GATA2: variants seen among roughly 807,000 people sequenced by gnomAD.
GATA2 encodes the protein endothelial transcription factor GATA-2.
A neutral mutation model predicts 35.7 loss-of-function variants in GATA2; 6 were observed. The observed-to-expected ratio is 0.17, with a 90% CI of 0.09 to 0.33. The LOEUF (loss-of-function observed/expected upper bound fraction) is 0.33, where lower values mean the gene tolerates loss of function less well. Ranked by LOEUF, GATA2 falls within the 10% of genes least tolerant of loss-of-function variation. The pLI is 1.00. For missense variants in GATA2, 541 were observed against 656.6 expected, an observed-to-expected ratio of 0.82 and a Z score of 1.92; for synonymous variants, 313 against 274.9, an observed-to-expected ratio of 1.14 and a Z score of -1.37.
chr3:128,481,371 C>T, intron 5 of GATA2, 53 bp from the exon 6 acceptor site: 1 of 1,575,358 alleles, frequency 6.3e-7, no homozygotes, highest in Non-Finnish European at 8.6e-7. Context: ...CAGCAACATT[C>T]CTCCCACCCC....
chr3:128,486,414 G>T, intron 2 of GATA2, 46 bp from the exon 3 acceptor site: 1 of 1,576,478 alleles, frequency 6.3e-7, no homozygotes, highest in African/African-American at 1.3e-5. Context: ...AAAGATCAGG[G>T]TAGGCAGAGC....
chr3:128,484,219 C>A (rs924648570), intron 3 of GATA2, among the ~76,000 whole-genome samples: 6 of 152,274 alleles, frequency 3.9e-5, no homozygotes, highest in African/African-American at 1.4e-4. Context: ...AAGCCAAATC[C>A]CCTGCTTCCA....
chr3:128,481,133 G>C lies in GATA2; in HGVS notation c.1329C>G (p.Leu443=), dbSNP rs769577309. 1.9e-6 allele frequency: 3 copies of C among 1,614,250 alleles called. No homozygotes were observed. The highest frequency in any genetic ancestry group is 1.7e-6 in the Non-Finnish European group (2 of 1,180,044). The change falls in exon 6 of 6, where the codon CTC becomes CTG. Residue 443 remains leucine, a synonymous_variant. Coordinates refer to ENST00000341105, the MANE Select transcript of GATA2 (RefSeq NM_032638.5). ...TGTGTCCGGAGTGGCTGAAGGGCGG[G>C]AGGTGGCCCACAGGTGCCATGTGTC... ...LAGHMAPVGH[L]PPFSHSGHIL...
chr3:128,487,113 G>C (rs2068713952), intron 1 of GATA2, 37 bp from the exon 2 acceptor site: 3 of 1,194,292 alleles, frequency 2.5e-6, no homozygotes, highest in Non-Finnish European at 3.5e-6. Flanking sequence ...TGCCGCCAGC[G>C]CCTGACACCC....
rs932463543 is a variant in GATA2, at chr3:128,480,190, T to G, written c.*829A>C. ...TAATATTTTTTCTTTTGTCTCAGAG[T>G]AGGAGGCGAGGGGGTTGAAGGGTTA... On this transcript the variant is annotated 3_prime_UTR_variant, in exon 6 of 6. Coordinates refer to ENST00000341105, the MANE Select transcript of GATA2 (RefSeq NM_032638.5). 1 of 233,042 alleles carries G rather than the reference T, an allele frequency of 4.3e-6. No homozygotes were observed. Among genetic ancestry groups the G allele is most frequent in the African/African-American group, 2.2e-5 (1 of 45,338 alleles). 14.4% of individuals were successfully genotyped at this position (233,042 alleles called of 1,614,324 possible). A position where few individuals can be genotyped will look rare whatever the true frequency, so the allele number is the denominator to read the frequency against.
At position 128,486,804 on chromosome 3, in the gene GATA2, G is replaced by A. The variant is rs770940723; in HGVS notation, c.228C>T (p.His76=). 1.9e-6 allele frequency: 3 copies of A among 1,600,848 alleles called. No individual in the cohort carries two copies. The change falls in exon 2 of 6, where the codon CAC becomes CAT. Residue 76 remains histidine, a splice_region_variant and synonymous_variant. Coordinates refer to ENST00000341105, the MANE Select transcript of GATA2 (RefSeq NM_032638.5). ...ARARVSYSPA[H]ARLTGGQMCR... The stretch of plus-strand genomic sequence containing the variant: ...CATCACCACGGGCCCAGTGCTCACC[G>A]TGCGCGGGGCTGTAGGAGACGCGCG...
intron 2 of GATA2, 122 bp from the exon 3 acceptor site, chr3:128,486,490 G>T: frequency 8.0e-7 from 1 of 1,244,108 alleles, no homozygotes; most frequent in Non-Finnish European, 1.1e-6. Flanking sequence ...CCTCCCCAAA[G>T]AAAGCCAGAA....
In GATA2 at chr3:128,486,442, G is replaced by A. The variant is rs2068701401; in HGVS notation, c.230-74C>T. On this transcript the variant is annotated intron_variant, in intron 2 of 5. Coordinates refer to ENST00000341105, the MANE Select transcript of GATA2 (RefSeq NM_032638.5). ...GGCAGAGCTAGGGACGCCCCTGACA[G>A]ACATTGAGATCACGACTCCCAGAAC... The A allele has an allele frequency of 3.3e-6, 5 of 1,533,160 alleles. No individual in the cohort carries two copies. In the South Asian group the frequency reaches 5.9e-5, roughly 18 times the overall value. The allele number at this position is 1,533,160 out of a possible 1,614,324, so 95.0% of individuals were successfully genotyped here.
intron 4 of GATA2, 39 bp from the exon 5 acceptor site, chr3:128,481,983 C>A (rs747211537): frequency 1.9e-6 from 3 of 1,608,580 alleles, no homozygotes; most frequent in Non-Finnish European, 8.5e-7. Flanking sequence ...TGGACTCCCA[C>A]GCCCACCTCG....
At chr3:128,481,399 A>G in intron 5 of GATA2, 81 bp from the exon 6 acceptor site, 1 of 1,501,618 alleles carries the variant, frequency 6.7e-7, no homozygotes, top group Non-Finnish European at 9.2e-7. Flanking sequence ...CGTGGACCAG[A>G]GGCAGGTCAA....
chr3:128,484,149 G>C, intron 3 of GATA2, 144 bp from the exon 4 acceptor site: 1 of 1,019,722 alleles, frequency 9.8e-7, no homozygotes, highest in Non-Finnish European at 1.4e-6. Context: ...AACAGCCTGG[G>C]CAGGAAGAGG....
chr3:128,490,197 C>G (rs1333971647), intron 1 of GATA2: 2 of 152,302 alleles, frequency 1.3e-5, no homozygotes, highest in Non-Finnish European at 2.9e-5. Flanking sequence ...CCGGCCACTG[C>G]GGTAGTGGAG....
chr3:128,487,124 C>T (rs1576750201), intron 1 of GATA2, 48 bp from the exon 2 acceptor site: 1 of 1,065,008 alleles, frequency 9.4e-7, no homozygotes, highest in Non-Finnish European at 1.3e-6. Flanking sequence ...CCTGACACCC[C>T]CCAAAGTCCC....
intron 5 of GATA2, 129 bp downstream of exon 5, chr3:128,481,690 C>A: frequency 8.8e-7 from 1 of 1,141,428 alleles, no homozygotes; most frequent in South Asian, 1.5e-5. Context: ...GCCCTTCTGG[C>A]GCTCACTCAG....
chr3:128,483,591 G>C (rs185363491), intron 4 of GATA2, among the ~76,000 whole-genome samples: 19 of 152,310 alleles, frequency 1.2e-4, no homozygotes, highest in African/African-American at 3.6e-4. Context: ...ACAGGAGTCC[G>C]GCCCGTGGAC....
At chr3:128,491,699 G>C (rs773816301) in intron 1 of GATA2, among the ~76,000 whole-genome samples, 2 of 152,084 alleles carry the variant, frequency 1.3e-5, no homozygotes, top group Non-Finnish European at 2.9e-5. Flanking sequence ...TTTGGGAATC[G>C]TAGAGTCTGT....
At position 128,481,888 on chromosome 3, in the gene GATA2, G is replaced by T. The variant is rs2068634357; in HGVS notation, c.1074C>A (p.Thr358=). 6.2e-7 allele frequency: 1 copy of T among 1,614,008 alleles called. No homozygotes were observed. Among genetic ancestry groups the T allele is most frequent in the Admixed American group, 1.7e-5 (1 of 60,012 alleles). The change falls in exon 5 of 6, where the codon ACC becomes ACA. Residue 358 remains threonine (T), a synonymous_variant. Coordinates refer to ENST00000341105, the MANE Select transcript of GATA2 (RefSeq NM_032638.5). ...CCANCQTTTT[T]LWRRNANGDP... is the part of the protein sequence containing the mutation. ...CCCCGTTGGCGTTTCGGCGCCATAA[G>T]GTGGTGGTTGTCGTCTGACAATTTG...
intron 1 of GATA2, chr3:128,490,019 C>G (rs1243543405): frequency 1.3e-5 from 2 of 152,222 alleles, no homozygotes; most frequent in Non-Finnish European, 2.9e-5. Flanking sequence ...CGGCCGCGAT[C>G]GGTGCCGCGG....
chr3:128,484,137 G>C, intron 3 of GATA2, 132 bp from the exon 4 acceptor site: 2 of 1,136,104 alleles, frequency 1.8e-6, no homozygotes, highest in Non-Finnish European at 2.5e-6. Context: ...GGGCCTGGCT[G>C]CAACAGCCTG....
Sources: gnomAD v4.1 joint callset for allele counts (sites outside exome capture counted in the v4.1 genomes callset) on GRCh38, gnomAD v4.1.1 for gene constraint, MANE v1.5 for transcripts, NCBI Gene and HGNC (gene_info 2026-07-23, HGNC 2026-07-21) for gene names.